BBS9: variants seen among roughly 807,000 people sequenced by gnomAD.
BBS9 encodes the protein protein PTHB1.
A neutral mutation model predicts 117.7 loss-of-function variants in BBS9; 89 were observed. That is an observed-to-expected ratio of 0.76 (90% CI 0.64 to 0.90). The LOEUF (loss-of-function observed/expected upper bound fraction) is 0.90. BBS9 is among the 40% of genes least tolerant of loss of function. The pLI, the probability that BBS9 is intolerant of heterozygous loss-of-function variation, is 0.00. For missense variants in BBS9, 982 were observed against 1,042.2 expected (o/e 0.94, Z 0.80); for synonymous variants, 379 against 370.9 (o/e 1.02, Z -0.25).
chr7:33,354,327 A>C (rs1819242500), intron 15 of BBS9, among the ~76,000 whole-genome samples: 1 of 152,194 alleles, frequency 6.6e-6, no homozygotes, highest in Non-Finnish European at 1.5e-5. Flanking sequence ...TTCGGGCTGC[A>C]ATGCAGATAA....
rs764906719 is a variant in BBS9 at position 33,152,716 on chromosome 7, G to T, written c.128G>T (p.Gly43Val). 1 of 1,612,010 alleles carries T rather than the reference G, an allele frequency of 6.2e-7. No individual in the cohort carries two copies. ...SGNGQDKIIV[G>V]SFMGYLRIFS... ...TTCTCTACAGATAAAATAATTGTGG[G>T]TAGCTTTATGGGATACCTAAGGATC... The change falls in exon 3 of 23, where the codon GGT (glycine) becomes GTT (valine). Residue 43 changes from glycine (G) to valine (V), a missense_variant. By Grantham distance (109) the Gly-to-Val change is moderately radical (BLOSUM62 -3). Transcript: ENST00000242067.
At chr7:33,427,630 A>G (rs2128871103) in intron 19 of BBS9, among the ~76,000 whole-genome samples, 1 of 152,350 alleles carries the variant, frequency 6.6e-6, no homozygotes, top group South Asian at 2.1e-4. Context: ...CAGTTCTTGT[A>G]CATTTAGGGA....
rs758159073 is a variant in BBS9 at position 33,388,054 on chromosome 7, C to T, written c.2025C>T (p.Ala675=). ...LLSERAVQFR[A]IQRRLLARFK... ...CTGAGAGAGCTGTACAATTTCGGGC[C>T]ATTCAACGCCGGCTACTAGCAAGAT... The change falls in exon 19 of 23, where the codon GCC becomes GCT. Residue 675 remains alanine (A), a synonymous_variant. Coordinates refer to ENST00000242067, the MANE Select transcript of BBS9 (RefSeq NM_198428.3). 6.2e-7 allele frequency: 1 copy of T among 1,614,126 alleles called. No homozygotes were observed. Among genetic ancestry groups the T allele is most frequent in the Admixed American group, 1.7e-5 (1 of 60,022 alleles).
At chr7:33,358,137 C>A in intron 16 of BBS9, 142 bp downstream of exon 16, 1 of 1,059,010 alleles carries the variant, frequency 9.4e-7, no homozygotes, top group Non-Finnish European at 1.4e-6. Flanking sequence ...ATTTTTCCCT[C>A]CTTTGCCTGT....
chr7:33,502,676 C>G (rs1042880426), intron 19 of BBS9, among the ~76,000 whole-genome samples: 2 of 152,170 alleles, frequency 1.3e-5, no homozygotes, highest in Non-Finnish European at 2.9e-5. Flanking sequence ...CATACCACTG[C>G]TTCTTTCTCT....
chr7:33,225,803 G>A (rs971321453), intron 5 of BBS9, among the ~76,000 whole-genome samples: 1 of 151,664 alleles, frequency 6.6e-6, no homozygotes, highest in South Asian at 2.1e-4. Flanking sequence ...TGTTGTGGTG[G>A]ATAGAGTTAG....
chr7:33,606,119 T>C (rs987480257), downstream of BBS9: 1 of 151,956 alleles, frequency 6.6e-6, no homozygotes, highest in African/African-American at 2.4e-5. Flanking sequence ...TTTTTCTATA[T>C]GTGAAATGTC....
chr7:33,394,418 G>T lies in BBS9; in HGVS notation c.2115+6274G>T, dbSNP rs116290593. Reference sequence around the variant, plus strand: ...CCTACTGGAGGGTGGAGGGTAGGAGGAGGGGAGGATCAGGAAAAGTAACTA... The same window carrying T: ...CCTACTGGAGGGTGGAGGGTAGGAGTAGGGGAGGATCAGGAAAAGTAACTA... On this transcript the variant is annotated intron_variant, in intron 19 of 22. Transcript: ENST00000242067. Among the ~76,000 whole-genome samples the T allele has an allele frequency of 3.9e-3, 597 of 152,228 alleles. 6 individuals are homozygous for T. The highest frequency in any genetic ancestry group is 0.014 in the African/African-American group (563 of 41,542).
intron 4 of BBS9, among the ~76,000 whole-genome samples, chr7:33,164,186 G>A (rs1795302265): frequency 6.6e-6 from 1 of 152,218 alleles, no homozygotes; most frequent in African/African-American, 2.4e-5. Flanking sequence ...TTGCACTGTG[G>A]TCTGAGAGAC....
At chr7:33,134,594 A>G (rs370347977) in intron 1 of BBS9, among the ~76,000 whole-genome samples, 6 of 152,018 alleles carry the variant, frequency 3.9e-5, no homozygotes, top group African/African-American at 4.8e-5. Context: ...TACTTTATTC[A>G]TTTATTTTGT....
chr7:33,352,781 T>C lies in BBS9; in HGVS notation c.1538-78T>C, dbSNP rs116907787. Reference sequence around the variant, plus strand: ...TATTTTAAGCAGATATGTGTCAAATTTGTGTTGTAACTTTACCACAGATAA... The same window carrying C: ...TATTTTAAGCAGATATGTGTCAAATCTGTGTTGTAACTTTACCACAGATAA... On this transcript the variant is annotated intron_variant, in intron 14 of 22. Coordinates refer to ENST00000242067, the MANE Select transcript of BBS9 (RefSeq NM_198428.3). 2.8e-3 allele frequency: 4,208 copies of C among 1,504,548 alleles called. 13 individuals carry two copies. Among genetic ancestry groups the C allele is most frequent in the Non-Finnish European group, 3.4e-3 (3,728 of 1,080,898 alleles). The allele number at this position is 1,504,548 out of a possible 1,614,324, so 93.2% of individuals were successfully genotyped here.
At chr7:33,590,072 C>G (rs765943901) in intron 21 of BBS9, among the ~76,000 whole-genome samples, 2 of 152,108 alleles carry the variant, frequency 1.3e-5, no homozygotes, top group Non-Finnish European at 2.9e-5. Flanking sequence ...ACTGAATGAT[C>G]AGCTGTGTCA....
chr7:33,316,608 C>T (rs900225248), intron 9 of BBS9, among the ~76,000 whole-genome samples: 2 of 152,122 alleles, frequency 1.3e-5, no homozygotes, highest in African/African-American at 4.8e-5. Context: ...ATGGTGCTAG[C>T]TACTTGTGAT....
In BBS9 at chr7:33,180,820, G is replaced by A. The variant is rs1043676232; in HGVS notation, c.442+3229G>A. Among the ~76,000 whole-genome samples, 4 of 152,172 alleles carry A rather than the reference G, an allele frequency of 2.6e-5. No homozygotes were observed. The East Asian group carries it at 5.8e-4, about 22-fold the overall frequency. ...ACTGCCTTGTTGCGGTAGCCTCAGG[G>A]TGAGAGACTGGGGATCCACCTGGTG... On this transcript the variant is annotated intron_variant, in intron 5 of 22. Coordinates refer to ENST00000242067, the MANE Select transcript of BBS9 (RefSeq NM_198428.3).
chr7:33,629,094 A>C (rs1038327583), intron 21 of BBS9, among the ~76,000 whole-genome samples: 2 of 152,244 alleles, frequency 1.3e-5, no homozygotes, highest in African/African-American at 2.4e-5. Flanking sequence ...TCCTTATCCA[A>C]GTCCTTATTG....
At chr7:33,155,844 C>T (rs1794020853) in intron 4 of BBS9, 142 bp downstream of exon 4, 1 of 556,672 alleles carries the variant, frequency 1.8e-6, no homozygotes, top group Non-Finnish European at 3.2e-6. Context: ...TAACATTTTC[C>T]CATTTTTCAT....
At chr7:33,598,699 A>C (rs772113334) in intron 21 of BBS9, among the ~76,000 whole-genome samples, 12 of 152,248 alleles carry the variant, frequency 7.9e-5, no homozygotes, top group Non-Finnish European at 1.8e-4. Flanking sequence ...GTTACCCAAC[A>C]AGAAAGAACA....
At chr7:33,420,182 T>C (rs1272494019) in intron 19 of BBS9, among the ~76,000 whole-genome samples, 1 of 152,168 alleles carries the variant, frequency 6.6e-6, no homozygotes, top group African/African-American at 2.4e-5. Context: ...CTGACTACCT[T>C]TGTAAGCTCT....
intron 15 of BBS9, among the ~76,000 whole-genome samples, chr7:33,357,235 G>A (rs993302239): frequency 6.6e-6 from 1 of 151,736 alleles, no homozygotes; most frequent in Non-Finnish European, 1.5e-5. Flanking sequence ...CACTTAAAGT[G>A]ATATGTAAAG....
Sources: gnomAD v4.1 joint callset for allele counts (sites outside exome capture counted in the v4.1 genomes callset) on GRCh38, gnomAD v4.1.1 for gene constraint, MANE v1.5 for transcripts, NCBI Gene and HGNC (gene_info 2026-07-23, HGNC 2026-07-21) for gene names.